Variants in DOCK8 observed in about 807,000 individuals in gnomAD.
DOCK8 encodes the protein dedicator of cytokinesis protein 8.
DOCK8 carries 141 observed loss-of-function variants against 245.6 expected under a neutral mutation model. That is an observed-to-expected ratio of 0.57 (90% CI 0.50 to 0.66). The LOEUF (loss-of-function observed/expected upper bound fraction) is 0.66, where lower values mean the gene tolerates loss of function less well. Among genes scored for constraint, DOCK8 ranks in the 30% least tolerant of loss-of-function variants. DOCK8 has a pLI of 0.00. For missense variants in DOCK8, 2,965 were observed against 2,603.4 expected (o/e 1.14, Z -3.02); for synonymous variants, 1,168 against 970.2 (o/e 1.20, Z -3.79).
At chr9:403,892 CTATATATATATATATATATATATACA>C (rs1481602802) in intron 26 of DOCK8, among the ~76,000 whole-genome samples, 1 of 73,784 alleles carries the variant, frequency 1.4e-5, no homozygotes, top group African/African-American at 7.7e-5. Context: ...CTCTCTCTCT[CTATATATATATATATATATATATACA>C]TATATATATA....
intron 28 of DOCK8, among the ~76,000 whole-genome samples, chr9:408,837 T>TTA (rs1383359827): frequency 6.6e-6 from 1 of 151,856 alleles, no homozygotes; most frequent in Admixed American, 6.6e-5. Flanking sequence ...GTAATTATGT[T>TTA]TAATCAGGTA....
intron 12 of DOCK8, among the ~76,000 whole-genome samples, chr9:338,297 C>G (rs1401262289): frequency 6.6e-6 from 1 of 152,150 alleles, no homozygotes; most frequent in Admixed American, 6.6e-5. Context: ...AAAGGGGTTA[C>G]ATTAACAAAC....
chr9:214,604 G>GGA, upstream of DOCK8: 1 of 1,613,888 alleles, frequency 6.2e-7, no homozygotes, highest in Non-Finnish European at 8.5e-7. Flanking sequence ...TCGGGCAGAT[G>GGA]GAGCTTCCGG....
intron 2 of DOCK8, among the ~76,000 whole-genome samples, chr9:285,983 T>C (rs1247196855): frequency 2.0e-5 from 3 of 152,146 alleles, no homozygotes; most frequent in Non-Finnish European, 4.4e-5. Context: ...CGAGAACCAA[T>C]GTATAGCATA....
In DOCK8 at chr9:328,125, T is replaced by C. The variant is rs567797868; in HGVS notation, c.998T>C (p.Val333Ala). The change falls in exon 9 of 48, where the codon GTC (valine) becomes GCC (alanine). Residue 333 changes from valine (V) to alanine (A), a missense_variant. This residue lies in a region of DOCK8 where 2,825 missense variants were observed against 2,453.5 expected (regional missense o/e 1.15). Transcript: ENST00000432829. ...GCATCAAGTCAGGCGAGATCTGCAGTCTTCTCAGTCACCTACCCGTCCTCA... is the reference window on the plus strand; with the variant it reads ...GCATCAAGTCAGGCGAGATCTGCAGCCTTCTCAGTCACCTACCCGTCCTCA... ...VAASSQARSA[V>A]FSVTYPSSDI... The C allele has an allele frequency of 1.2e-5, 19 of 1,614,066 alleles. No homozygotes were observed. The highest frequency in any genetic ancestry group is 1.6e-5 in the Non-Finnish European group (19 of 1,180,024).
Position 442,101 on chromosome 9 carries a change from A to G in DOCK8, c.5490+92A>G. 3.2e-6 allele frequency: 5 copies of G among 1,548,916 alleles called. No individual in the cohort carries two copies. The East Asian group carries it at 6.8e-5, about 21-fold the overall frequency. ...ACCAAAAATAAACAAATAAAGAGTT[A>G]TGGATTCATCATTGATCTCTACATA... is the stretch of plus-strand genomic sequence containing the variant. On this transcript the variant is annotated intron_variant, in intron 42 of 47. Transcript: ENST00000432829.
chr9:342,596 A>G (rs2051663356), intron 14 of DOCK8, among the ~76,000 whole-genome samples: 1 of 150,612 alleles, frequency 6.6e-6, no homozygotes, highest in African/African-American at 2.4e-5. Flanking sequence ...CAGCTGCCCG[A>G]GTAGCTGGGA....
rs555793081 is a variant in DOCK8, at chr9:415,121, A to G, written c.3700+170A>G. Among the ~76,000 whole-genome samples the G allele has an allele frequency of 2.0e-5, 3 of 152,196 alleles. No individual in the cohort carries two copies. The East Asian group carries it at 5.8e-4, about 29-fold the overall frequency. On this transcript the variant is annotated intron_variant, in intron 29 of 47. Transcript: ENST00000432829. ...ACTGGCCCCAATCAGTTAAAAAAAC[A>G]AAAAAAGTCACATAGCCCCATATGT...
intron 4 of DOCK8, among the ~76,000 whole-genome samples, chr9:289,829 T>C (rs2048966270): frequency 6.6e-6 from 1 of 152,238 alleles, no homozygotes; most frequent in Non-Finnish European, 1.5e-5. Context: ...TGTTATTAAC[T>C]AAAGACCATA....
intron 46 of DOCK8, among the ~76,000 whole-genome samples, chr9:458,616 C>G (rs2057712748): frequency 6.6e-6 from 1 of 151,956 alleles, no homozygotes; most frequent in Non-Finnish European, 1.5e-5. Context: ...TCGAGACCAG[C>G]CTGGGCAACA....
chr9:288,554 A>AT (rs1301077768), intron 3 of DOCK8, among the ~76,000 whole-genome samples: 2 of 152,246 alleles, frequency 1.3e-5, no homozygotes, highest in Non-Finnish European at 2.9e-5. Context: ...AGTGTAAACT[A>AT]TTAATATCAT....
intron 5 of DOCK8, among the ~76,000 whole-genome samples, chr9:305,494 T>C (rs199980871): frequency 1.8e-4 from 27 of 152,172 alleles, no homozygotes; most frequent in African/African-American, 4.1e-4. Context: ...ACCGTGTTAG[T>C]CAGGATGGTC....
At chr9:450,005 T>G (rs2057378404) in intron 45 of DOCK8, 78 bp downstream of exon 45, 1 of 1,509,056 alleles carries the variant, frequency 6.6e-7, no homozygotes. Flanking sequence ...CCTTCTTCCT[T>G]GGGGTTGATG....
intron 1 of DOCK8, chr9:220,721 T>TC (rs1563817031): frequency 2.4e-6 from 1 of 412,178 alleles, no homozygotes; most frequent in Non-Finnish European, 4.7e-6. Context: ...TTCTTTCTTT[T>TC]TTTTTTTTTT....
At chr9:394,476 G>A (rs1197859296) in intron 24 of DOCK8, among the ~76,000 whole-genome samples, 2 of 152,202 alleles carry the variant, frequency 1.3e-5, no homozygotes, top group Non-Finnish European at 2.9e-5. Context: ...CAGCTTCCTT[G>A]GCCTTAGCCA....
Position 441,671 on chromosome 9 carries a change from A to G in DOCK8, c.5356-204A>G, listed in dbSNP as rs534293846. Among the ~76,000 whole-genome samples the G allele has an allele frequency of 3.7e-4, 57 of 152,374 alleles. No individual in the cohort carries two copies. In the East Asian group the frequency reaches 6.0e-3, roughly 16 times the overall value. ...TTTAAGTGTAATTAAAAGAAGTCCCAGAAATCTTTCATGGGATTCCTTTTG... is the reference window on the plus strand; with the variant it reads ...TTTAAGTGTAATTAAAAGAAGTCCCGGAAATCTTTCATGGGATTCCTTTTG... On this transcript the variant is annotated intron_variant, in intron 41 of 47. Coordinates refer to ENST00000432829, the MANE Select transcript of DOCK8 (RefSeq NM_203447.4).
intron 21 of DOCK8, chr9:381,507 A>G (rs1227435301): frequency 5.3e-5 from 8 of 152,252 alleles, no homozygotes; most frequent in South Asian, 2.1e-4. Flanking sequence ...AATTATTTAC[A>G]TAAGTAATAA....
intron 26 of DOCK8, 89 bp downstream of exon 26, chr9:399,348 C>A (rs1190201021): frequency 2.1e-6 from 2 of 949,290 alleles, no homozygotes; most frequent in Non-Finnish European, 3.3e-6. Flanking sequence ...ACGCTGTCTT[C>A]TTCATTACTG....
rs58146117 is a variant in DOCK8, at chr9:333,372, C to T, written c.1126-853C>T. The stretch of plus-strand genomic sequence containing the variant: ...ATCCCAGCACTTTGGGAGGCCAAGG[C>T]GGGCAGATCATGAGGTCAGAAGATT... On this transcript the variant is annotated intron_variant, in intron 10 of 47. Transcript: ENST00000432829. Among the ~76,000 whole-genome samples, 657 of 152,310 alleles carry T rather than the reference C, an allele frequency of 4.3e-3. 11 individuals are homozygous for T. The East Asian group carries it at 0.043, about 10-fold the overall frequency.
Sources: allele counts gnomAD v4.1 joint callset (sites outside exome capture counted in the v4.1 genomes callset), GRCh38; gene constraint gnomAD v4.1.1; regional missense constraint gnomAD v4.1.1; transcripts MANE v1.5; gene names NCBI Gene and HGNC (gene_info 2026-07-23, HGNC 2026-07-21).